PLEKHG1: variants seen among roughly 807,000 people sequenced by gnomAD.
PLEKHG1 encodes the protein pleckstrin homology domain-containing family G member 1.
Under a neutral mutation model 100.8 loss-of-function variants are expected in PLEKHG1, and 44 were observed. The observed-to-expected ratio is 0.44, with a 90% CI of 0.34 to 0.56. The LOEUF (loss-of-function observed/expected upper bound fraction) is 0.56. Ranked by LOEUF, PLEKHG1 falls within the 20% of genes least tolerant of loss-of-function variation. The probability of loss-of-function intolerance (pLI) is 0.01; values close to 1 mark genes in which losing one functional copy is unlikely to be tolerated. For synonymous variants in PLEKHG1, 640 were observed against 662.5 expected (o/e 0.97, Z 0.52); for missense variants, 1,545 against 1,720.9 (o/e 0.90, Z 1.81).
chr6:150,750,020 T>A (rs1184192330), intron 2 of PLEKHG1, among the ~76,000 whole-genome samples: 3 of 148,496 alleles, frequency 2.0e-5, no homozygotes, highest in African/African-American at 7.7e-5. Context: ...TGCAGTAAGC[T>A]GAGATCATGC....
chr6:150,687,237 C>A (rs1780173338), intron 3 of PLEKHG1, among the ~76,000 whole-genome samples: 1 of 152,092 alleles, frequency 6.6e-6, no homozygotes, highest in South Asian at 2.1e-4. Flanking sequence ...TTACTACCTT[C>A]TTTTTTTCCA....
At chr6:150,734,194 G>A (rs761963101) in intron 2 of PLEKHG1, 102 bp downstream of exon 3, 48 of 1,146,630 alleles carry the variant, frequency 4.2e-5, no homozygotes, top group Middle Eastern at 2.9e-4. Context: ...TCTAAGAGGC[G>A]GAAGGGATGT....
rs182661824 is a variant in PLEKHG1, at chr6:150,758,992, G to A, written c.412-9646G>A. On this transcript the variant is annotated intron_variant, in intron 2 of 15. Coordinates refer to ENST00000358517, the Ensembl canonical transcript of PLEKHG1. The stretch of plus-strand genomic sequence containing the variant: ...TAGCATGGTGCTCAGAGAGCTGATC[G>A]AATGCGTCTGCCCTGACTCCCTGTG... 3.7e-4 allele frequency among the ~76,000 whole-genome samples: 57 copies of A among 152,296 alleles called. 1 individual carries two copies. Among genetic ancestry groups the A allele is most frequent in the African/African-American group, 1.3e-3 (55 of 41,566 alleles).
chr6:150,779,416 GCT>G (rs1785187186), intron 3 of PLEKHG1, among the ~76,000 whole-genome samples: 1 of 141,898 alleles, frequency 7.0e-6, no homozygotes, highest in South Asian at 2.2e-4. Context: ...CGCGATCTCA[GCT>G]CTCTGCAACT....
At chr6:150,838,293 T>A (rs191322377) in intron 15 of PLEKHG1, among the ~76,000 whole-genome samples, 38 of 152,356 alleles carry the variant, frequency 2.5e-4, no homozygotes, top group Admixed American at 1.9e-3. Flanking sequence ...TAGGATGCGT[T>A]AGAGGAACCT....
chr6:150,812,461 TGGG>T (rs762134776), intron 10 of PLEKHG1, among the ~76,000 whole-genome samples: 2 of 152,010 alleles, frequency 1.3e-5, no homozygotes, highest in South Asian at 4.2e-4. Flanking sequence ...ATCTCAGAGA[TGGG>T]GGAGACACAG....
intron 1 of PLEKHG1, among the ~76,000 whole-genome samples, chr6:150,616,044 C>T (rs1054564926): frequency 2.6e-5 from 4 of 152,262 alleles, no homozygotes; most frequent in Admixed American, 2.6e-4. Context: ...CAAAGACACC[C>T]AGCTAATCAA....
chr6:150,748,486 C>T (rs932263844), intron 2 of PLEKHG1, among the ~76,000 whole-genome samples: 5 of 151,974 alleles, frequency 3.3e-5, no homozygotes, highest in Non-Finnish European at 7.4e-5. Context: ...ATAGGCCATT[C>T]GTAAATATTT....
At chr6:150,628,442 G>A (rs966311941) in intron 1 of PLEKHG1, among the ~76,000 whole-genome samples, 1 of 151,264 alleles carries the variant, frequency 6.6e-6, no homozygotes, top group Non-Finnish European at 1.5e-5. Context: ...TGCAGTCCTG[G>A]TTTCTCTTTA....
At chr6:150,750,808 G>T (rs1031101621) in intron 2 of PLEKHG1, among the ~76,000 whole-genome samples, 6 of 147,960 alleles carry the variant, frequency 4.1e-5, no homozygotes, top group African/African-American at 1.5e-4. Flanking sequence ...AAAAAAGGCG[G>T]CACAAATTAC....
chr6:150,610,065 C>T (rs1004482640), intron 1 of PLEKHG1, among the ~76,000 whole-genome samples: 2 of 152,198 alleles, frequency 1.3e-5, no homozygotes, highest in Non-Finnish European at 2.9e-5. Context: ...CCTTTCAGCT[C>T]CCTGGCATCC....
Position 150,831,498 on chromosome 6 carries a change from A to G in PLEKHG1, c.2387A>G (p.Glu796Gly). The G allele has an allele frequency of 1.2e-6, 2 of 1,614,118 alleles. No homozygotes were observed. Among genetic ancestry groups the G allele is most frequent in the Non-Finnish European group, 1.7e-6 (2 of 1,179,996 alleles). The change falls in exon 15 of 16, where the codon GAA (glutamate) becomes GGA (glycine). Residue 796 changes from glutamate (E) to glycine (G), a missense_variant. Transcript: ENST00000358517. The surrounding 1 kb of genome is among the most constrained non-coding windows in gnomAD (Gnocchi z 4.1). Reference sequence around the variant, plus strand: ...GACAGCCTCCAGCTCAGTGAGGACGAAGCCCCTTACCATCAGGCCACTCCC... The same window carrying G: ...GACAGCCTCCAGCTCAGTGAGGACGGAGCCCCTTACCATCAGGCCACTCCC...
At chr6:150,611,002 G>A (rs779909032) in intron 1 of PLEKHG1, among the ~76,000 whole-genome samples, 3 of 152,162 alleles carry the variant, frequency 2.0e-5, no homozygotes, top group African/African-American at 7.2e-5. Flanking sequence ...GCCTGCAAAC[G>A]TACCTTCTGA....
intron 3 of PLEKHG1, among the ~76,000 whole-genome samples, chr6:150,714,656 T>C (rs189499762): frequency 2.5e-4 from 38 of 152,284 alleles, no homozygotes; most frequent in Admixed American, 1.2e-3. Flanking sequence ...ACATTTTCAG[T>C]TGGATGACTG....
chr6:150,839,980 G>A (rs61742396), exon 16 of PLEKHG1: 65,810 of 1,613,938 alleles, frequency 0.041, 1,507 homozygotes, highest in Middle Eastern at 0.057. Flanking sequence ...CATGGTAGTG[G>A]AGACTGGCTT....
chr6:150,786,860 T>C (rs572801720), intron 4 of PLEKHG1, among the ~76,000 whole-genome samples: 2 of 151,732 alleles, frequency 1.3e-5, no homozygotes, highest in South Asian at 2.1e-4. Context: ...TGAAACCCCG[T>C]CTCTACTAAA....
intron 3 of PLEKHG1, among the ~76,000 whole-genome samples, chr6:150,783,372 CT>C (rs201678941): frequency 0.015 from 2,030 of 138,690 alleles, 11 homozygotes; most frequent in African/African-American, 0.03. Context: ...AGAGATTCTT[CT>C]TTTTTTTTTT....
intron 2 of PLEKHG1, among the ~76,000 whole-genome samples, chr6:150,739,833 C>T (rs1044489750): frequency 6.6e-5 from 10 of 152,126 alleles, no homozygotes; most frequent in South Asian, 2.1e-4. Flanking sequence ...GCTCTGTGTT[C>T]GTTAGTCTAT....
At chr6:150,746,582 T>G (rs916105648) in intron 2 of PLEKHG1, among the ~76,000 whole-genome samples, 1 of 152,258 alleles carries the variant, frequency 6.6e-6, no homozygotes, top group Non-Finnish European at 1.5e-5. Flanking sequence ...CTTAGTAGTA[T>G]GAGAGTTGAT....
Sources: gnomAD v4.1 joint callset for allele counts (sites outside exome capture counted in the v4.1 genomes callset) on GRCh38, gnomAD v4.1.1 for gene constraint, Gnocchi (gnomAD v3.1) non-coding constraint, MANE v1.5 for transcripts, NCBI Gene and HGNC (gene_info 2026-07-23, HGNC 2026-07-21) for gene names.